Variants in ABCG5 observed in about 807,000 individuals in gnomAD.
ABCG5 encodes the protein ATP binding cassette subfamily G member 5, also known as ATP-binding cassette sub-family G member 5.
ABCG5 carries 64 observed loss-of-function variants against 64.5 expected under a neutral mutation model. That is an observed-to-expected ratio of 0.99 (90% CI 0.81 to 1.22). ABCG5 has a LOEUF of 1.22. ABCG5 is among the 50% of genes most tolerant of loss of function. The pLI, the probability that ABCG5 is intolerant of heterozygous loss-of-function variation, is 0.00. For synonymous variants in ABCG5, 385 were observed against 326.3 expected (o/e 1.18, Z -1.94); for missense variants, 908 against 829.5 (o/e 1.09, Z -1.16).
intron 11 of ABCG5, among the ~76,000 whole-genome samples, chr2:43,815,579 T>C (rs1224480298): frequency 2.0e-5 from 3 of 151,962 alleles, no homozygotes; most frequent in Non-Finnish European, 2.9e-5. Flanking sequence ...CATTGAGAGG[T>C]TGCTAATTGA....
intron 9 of ABCG5, 30 bp downstream of exon 9, chr2:43,823,883 G>C (rs1044049813): frequency 1.2e-6 from 2 of 1,610,120 alleles, no homozygotes; most frequent in East Asian, 2.2e-5. Context: ...TAGGGAGAAA[G>C]AGGTGCACCT....
intron 2 of ABCG5, chr2:43,832,539 T>C (rs923885171): frequency 1.1e-5 from 2 of 185,366 alleles, no homozygotes; most frequent in African/African-American, 4.7e-5. Context: ...GTCTAGAGCC[T>C]TGCTCACAAA....
At position 43,838,533 on chromosome 2, in the gene ABCG5, T is replaced by C. The variant is rs1668429322; in HGVS notation, c.143+4A>G. 1 of 1,598,692 alleles carries C rather than the reference T, an allele frequency of 6.3e-7. No individual in the cohort carries two copies. Among genetic ancestry groups the C allele is most frequent in the East Asian group, 2.3e-5 (1 of 44,170 alleles). On this transcript the variant is annotated splice_donor_region_variant and intron_variant, in intron 1 of 12. Coordinates refer to ENST00000405322, the MANE Select transcript of ABCG5 (RefSeq NM_022436.3). The surrounding 1 kb of genome is among the most constrained non-coding windows in gnomAD (Gnocchi z 4.2). ...GAGCAGCAGCAGCAAGGGCTCTGCC[T>C]TACCTGACGCTGTAGGAGGCATGGA...
At chr2:43,828,450 A>G (rs767087815) in intron 4 of ABCG5, 10 of 386,590 alleles carry the variant, frequency 2.6e-5, no homozygotes, top group South Asian at 1.8e-4. Flanking sequence ...AGCTTGGGCA[A>G]CAAAGAGAGA....
chr2:43,833,423 C>A (rs1668071070), intron 2 of ABCG5, among the ~76,000 whole-genome samples: 1 of 150,932 alleles, frequency 6.6e-6, no homozygotes, highest in South Asian at 2.1e-4. Context: ...CGCTCTGTTG[C>A]CCAGGCTGGA....
the ABCG5 span, among the ~76,000 whole-genome samples, chr2:43,806,331 G>T: frequency 5.3e-5 from 8 of 152,316 alleles, no homozygotes; most frequent in Non-Finnish European, 7.4e-5. Flanking sequence ...TGGCAGTCAC[G>T]TTGTTGCGAG....
chr2:43,820,215 G>A (rs1292935816), intron 10 of ABCG5, 115 bp from the exon 11 acceptor site: 1 of 1,253,242 alleles, frequency 8.0e-7, no homozygotes, highest in African/African-American at 1.5e-5. Context: ...AAGTTTGCAG[G>A]GCAAGCCACA....
intron 2 of ABCG5, among the ~76,000 whole-genome samples, chr2:43,836,498 A>T (rs1195512093): frequency 6.6e-6 from 1 of 152,176 alleles, no homozygotes; most frequent in Non-Finnish European, 1.5e-5. Flanking sequence ...TTTAACCTTA[A>T]AATGTAGATG....
At chr2:43,830,702 A>G (rs1156599389) in intron 4 of ABCG5, among the ~76,000 whole-genome samples, 2 of 152,160 alleles carry the variant, frequency 1.3e-5, no homozygotes, top group African/African-American at 4.8e-5. Flanking sequence ...GCTCCCAGGG[A>G]GCTGTGCCCC....
chr2:43,826,617 A>AC (rs2104832820), intron 5 of ABCG5, 96 bp from the exon 6 acceptor site: 5 of 1,573,742 alleles, frequency 3.2e-6, no homozygotes, highest in East Asian at 2.2e-5. Context: ...TTGAGTTTGT[A>AC]CCCCATTCAA....
chr2:43,825,111 G>A (rs964329477), intron 6 of ABCG5, 93 bp from the exon 7 acceptor site: 12 of 1,493,832 alleles, frequency 8.0e-6, no homozygotes, highest in Non-Finnish European at 1.1e-5. Context: ...GCCAAGGTCA[G>A]GTATTCCTTA....
chr2:43,825,260 G>A (rs1667524526), intron 6 of ABCG5, among the ~76,000 whole-genome samples: 1 of 152,180 alleles, frequency 6.6e-6, no homozygotes, highest in Non-Finnish European at 1.5e-5. Flanking sequence ...TGTGGGTCAT[G>A]CTGCCTCCCA....
downstream of ABCG5, chr2:43,809,811 C>G: frequency 4.5e-6 from 7 of 1,566,026 alleles, no homozygotes; most frequent in Non-Finnish European, 5.2e-6. Flanking sequence ...TTTCCAAATA[C>G]AAATAAGATT....
chr2:43,829,925 T>C (rs1347664517), intron 4 of ABCG5, among the ~76,000 whole-genome samples: 1 of 152,266 alleles, frequency 6.6e-6, no homozygotes, highest in East Asian at 1.9e-4. Context: ...TACAAAGGAA[T>C]AATGAGAAGG....
intron 10 of ABCG5, among the ~76,000 whole-genome samples, chr2:43,820,333 G>A (rs1025474397): frequency 2.0e-5 from 3 of 152,060 alleles, no homozygotes; most frequent in Non-Finnish European, 4.4e-5. Flanking sequence ...TCCCTTTCAC[G>A]GCTCCTTCAG....
chr2:43,824,918 G>A lies in ABCG5; in HGVS notation c.875C>T (p.Pro292Leu), dbSNP rs1205647759. Residue 292 changes from proline (P) to leucine (L), a missense_variant, in exon 7 of 13, where the codon CCT becomes CTT. By Grantham distance (98) the Pro-to-Leu change is moderately conservative. Transcript: ENST00000405322. ...DFFNDCGYPC[P>L]EHSNPFDFYM... ...GAAGTCAAAAGGGTTTGAATGTTCA[G>A]GACAAGGGTAACCGCAGTCATTGAA... 1.2e-6 allele frequency: 2 copies of A among 1,614,070 alleles called. No homozygotes were observed. The highest frequency in any genetic ancestry group is 1.7e-5 in the Admixed American group (1 of 60,022).
intron 4 of ABCG5, among the ~76,000 whole-genome samples, 167 bp downstream of exon 4, chr2:43,831,602 G>A (rs1238851366): frequency 1.3e-5 from 2 of 152,234 alleles, no homozygotes; most frequent in African/African-American, 4.8e-5. Flanking sequence ...AAAGGCACAT[G>A]TGACTAGGGG....
chr2:43,821,071 G>A (rs1156266397), intron 10 of ABCG5, among the ~76,000 whole-genome samples: 1 of 152,122 alleles, frequency 6.6e-6, no homozygotes, highest in Non-Finnish European at 1.5e-5. Flanking sequence ...ATTAGGCATG[G>A]CTGCTCTTTA....
At chr2:43,816,387 T>C (rs1221058914) in intron 11 of ABCG5, among the ~76,000 whole-genome samples, 3 of 151,824 alleles carry the variant, frequency 2.0e-5, no homozygotes, top group Non-Finnish European at 4.4e-5. Context: ...TCAAAGAGAG[T>C]GCGCCTCTAG....
Sources: gnomAD v4.1 joint callset for allele counts (sites outside exome capture counted in the v4.1 genomes callset) on GRCh38, gnomAD v4.1.1 for gene constraint, Gnocchi (gnomAD v3.1) non-coding constraint, MANE v1.5 for transcripts, NCBI Gene and HGNC (gene_info 2026-07-23, HGNC 2026-07-21) for gene names.